VPS41: variants seen among roughly 807,000 people sequenced by gnomAD.
VPS41 encodes VPS41 subunit of HOPS complex, also known as vacuolar protein sorting-associated protein 41 homolog.
In VPS41, 85 loss-of-function variants were observed where a neutral mutation model predicts 130.9. The ratio of observed to expected loss-of-function variants is 0.65; its 90% confidence interval spans 0.55 to 0.78. The LOEUF (loss-of-function observed/expected upper bound fraction) is 0.78. VPS41 is among the 30% of genes least tolerant of loss of function. VPS41 has a pLI of 0.00. For synonymous variants in VPS41, 335 were observed against 332.9 expected, an observed-to-expected ratio of 1.01 and a Z score of -0.07; for missense variants, 874 against 1,018.7, an observed-to-expected ratio of 0.86 and a Z score of 1.93.
chr7:38,834,266 T>C (rs1191058825), intron 4 of VPS41, among the ~76,000 whole-genome samples: 2 of 152,320 alleles, frequency 1.3e-5, no homozygotes, highest in African/African-American at 2.4e-5. Flanking sequence ...TCCGCAAACA[T>C]GGAACATTTC....
intron 12 of VPS41, 63 bp downstream of exon 12, chr7:38,774,052 A>G (rs1784205305): frequency 6.9e-7 from 1 of 1,441,602 alleles, no homozygotes; most frequent in Non-Finnish European, 9.4e-7. Flanking sequence ...ATTTATTGCA[A>G]GTAGGAAGGG....
chr7:38,786,701 A>G (rs1784444710), intron 10 of VPS41, among the ~76,000 whole-genome samples: 1 of 152,220 alleles, frequency 6.6e-6, no homozygotes, highest in Non-Finnish European at 1.5e-5. Context: ...ATACTGAACT[A>G]TCTATAACAG....
intron 25 of VPS41, among the ~76,000 whole-genome samples, chr7:38,729,412 G>A (rs1795613345): frequency 7.7e-6 from 1 of 130,538 alleles, no homozygotes; most frequent in Non-Finnish European, 1.8e-5. Flanking sequence ...TATGAATGTG[G>A]TGTGTGTGTG....
At chr7:38,836,149 T>C (rs1367556151) in intron 4 of VPS41, among the ~76,000 whole-genome samples, 1 of 152,090 alleles carries the variant, frequency 6.6e-6, no homozygotes, top group Non-Finnish European at 1.5e-5. Flanking sequence ...TTATAGTTTT[T>C]ATGTTTCCCC....
chr7:38,898,794 A>T (rs1336387876), intron 1 of VPS41, among the ~76,000 whole-genome samples: 2 of 152,252 alleles, frequency 1.3e-5, no homozygotes. Flanking sequence ...CTGTCCAGTG[A>T]AAGAGAGAAT....
chr7:38,818,059 T>C (rs1478851607), intron 6 of VPS41, among the ~76,000 whole-genome samples, 177 bp from the exon 7 acceptor site: 1 of 152,142 alleles, frequency 6.6e-6, no homozygotes, highest in Non-Finnish European at 1.5e-5. Flanking sequence ...TCTTCTTACG[T>C]GAAAAGATTT....
At chr7:38,749,642 T>C (rs1796052456) in intron 22 of VPS41, among the ~76,000 whole-genome samples, 1 of 152,186 alleles carries the variant, frequency 6.6e-6, no homozygotes, top group Admixed American at 6.5e-5. Flanking sequence ...CAATTTCATA[T>C]TCAGGAGAAA....
At chr7:38,870,416 A>G (rs1786324851) in intron 2 of VPS41, among the ~76,000 whole-genome samples, 1 of 152,168 alleles carries the variant, frequency 6.6e-6, no homozygotes, top group African/African-American at 2.4e-5. Flanking sequence ...TCTTAGTTGG[A>G]ACCCCTGGTC....
chr7:38,726,799 ATT>A, intron 28 of VPS41, 108 bp downstream of exon 28: 1 of 924,380 alleles, frequency 1.1e-6, no homozygotes, highest in Non-Finnish European at 1.5e-6. Context: ...CCACATTGTA[ATT>A]TTTTTTTAAC....
In VPS41 at chr7:38,756,900, T is replaced by C; in HGVS notation, c.1633A>G (p.Lys545Glu). 6.2e-7 allele frequency: 1 copy of C among 1,600,264 alleles called. No homozygotes were observed. The highest frequency in any genetic ancestry group is 1.1e-5 in the South Asian group (1 of 90,718). Residue 545 changes from lysine to glutamate, a missense_variant, in exon 19 of 29, where the codon AAG (lysine) becomes GAG (glutamate). Transcript: ENST00000310301. Reference protein sequence around the residue: ...RHKDVFQLIHKHNLFSSIKDK... With the variant: ...RHKDVFQLIHEHNLFSSIKDK... ...TTGATAGAACTGAAAAGATTATGCT[T>C]GTGGATCAACTGAAAAACGTCTTTA...
At position 38,840,712 on chromosome 7, in the gene VPS41, A is replaced by G. The variant is rs190270553; in HGVS notation, c.247-10384T>C. 4.7e-4 allele frequency among the ~76,000 whole-genome samples: 72 copies of G among 152,362 alleles called. No individual in the cohort carries two copies. In the East Asian group the frequency reaches 8.7e-3, roughly 18 times the overall value. On this transcript the variant is annotated intron_variant, in intron 4 of 28. Coordinates refer to ENST00000310301, the MANE Select transcript of VPS41 (RefSeq NM_014396.4). ...ATGCAAAATAAACATTAAATGTAAA[A>G]TAAAAGAGACAAAAATTAAGACGCT...
At position 38,879,372 on chromosome 7, in the gene VPS41, G is replaced by C. The variant is rs144221325; in HGVS notation, c.61-10119C>G. On this transcript the variant is annotated intron_variant, in intron 2 of 28. Coordinates refer to ENST00000310301, the MANE Select transcript of VPS41 (RefSeq NM_014396.4). ...CCATTTTCTCCCTTCCTCCTAACAA[G>C]TAGAGATGCTTGTTAGGGGCTGCTT... Among the ~76,000 whole-genome samples the C allele has an allele frequency of 5.6e-4, 86 of 152,290 alleles. 1 individual carries two copies. The East Asian group carries it at 6.6e-3, about 12-fold the overall frequency.
chr7:38,757,842 C>A (rs1250213794), intron 18 of VPS41, among the ~76,000 whole-genome samples: 1 of 152,114 alleles, frequency 6.6e-6, no homozygotes. Context: ...AAGCGTCTCG[C>A]ACAAAGCCTG....
intron 7 of VPS41, among the ~76,000 whole-genome samples, chr7:38,803,877 AGC>A (rs1784785550): frequency 6.6e-6 from 1 of 152,226 alleles, no homozygotes; most frequent in Non-Finnish European, 1.5e-5. Flanking sequence ...TCAAACACGC[AGC>A]TTCTCTAAAC....
At chr7:38,848,531 A>G (rs140885437) in intron 4 of VPS41, among the ~76,000 whole-genome samples, 2 of 152,356 alleles carry the variant, frequency 1.3e-5, no homozygotes, top group East Asian at 3.9e-4. Flanking sequence ...AAACATGTTC[A>G]GTTGGACTCT....
At chr7:38,841,421 C>G (rs553932896) in intron 4 of VPS41, among the ~76,000 whole-genome samples, 31 of 152,284 alleles carry the variant, frequency 2.0e-4, no homozygotes, top group African/African-American at 7.5e-4. Context: ...TACTAGTAGA[C>G]AAGAAATGGG....
In VPS41 at chr7:38,890,686, C is replaced by CT. The variant is rs771296526; in HGVS notation, c.60+7404dup. On this transcript the variant is annotated intron_variant, in intron 2 of 28. Coordinates refer to ENST00000310301, the MANE Select transcript of VPS41 (RefSeq NM_014396.4). ...ATTCAGAATATCTTTGCATTTTTCC[C>CT]TTTTTTTTTTTCTTTTAGAGATAGG... is the stretch of plus-strand genomic sequence containing the variant. 8.0e-4 allele frequency among the ~76,000 whole-genome samples: 118 copies of CT among 147,246 alleles called. 2 individuals carry two copies. The highest frequency in any genetic ancestry group is 1.8e-3 in the Admixed American group (27 of 14,646).
chr7:38,778,197 AT>A (rs1378043132), intron 10 of VPS41, among the ~76,000 whole-genome samples: 7 of 152,176 alleles, frequency 4.6e-5, no homozygotes, highest in Non-Finnish European at 7.3e-5. Context: ...CCAGGAACAC[AT>A]TTTTTCCTTA....
intron 15 of VPS41, among the ~76,000 whole-genome samples, chr7:38,766,035 T>A (rs1038010606): frequency 6.6e-6 from 1 of 152,340 alleles, no homozygotes. Context: ...TACCCCAAAG[T>A]GCCAGAACCT....
Sources: gnomAD v4.1 joint callset for allele counts (sites outside exome capture counted in the v4.1 genomes callset) on GRCh38, gnomAD v4.1.1 for gene constraint, MANE v1.5 for transcripts, NCBI Gene and HGNC (gene_info 2026-07-23, HGNC 2026-07-21) for gene names.